PPARG: variants seen among roughly 807,000 people sequenced by gnomAD.
PPARG encodes peroxisome proliferator-activated receptor gamma.
A neutral mutation model predicts 39.2 loss-of-function variants in PPARG; 17 were observed. The ratio of observed to expected loss-of-function variants is 0.43; its 90% CI spans 0.30 to 0.65. The LOEUF is 0.65. Ranked by LOEUF, PPARG falls within the 30% of genes least tolerant of loss-of-function variation. PPARG has a pLI of 0.13. For synonymous variants in PPARG, 223 were observed against 215.7 expected (o/e 1.03, Z -0.30); for missense variants, 406 against 585.9 (o/e 0.69, Z 3.17).
chr3:12,310,257 C>T (rs1480765537), intron 1 of PPARG, among the ~76,000 whole-genome samples: 1 of 152,068 alleles, frequency 6.6e-6, no homozygotes, highest in Admixed American at 6.5e-5. Context: ...AGAATAGATA[C>T]CAGTTTCTAG....
At chr3:12,430,716 A>G (rs904344016) in intron 7 of PPARG, among the ~76,000 whole-genome samples, 5 of 152,184 alleles carry the variant, frequency 3.3e-5, no homozygotes, top group African/African-American at 1.2e-4. Flanking sequence ...AAAGGAGATG[A>G]GATGAACAGG....
intron 2 of PPARG, among the ~76,000 whole-genome samples, chr3:12,321,503 T>C (rs1559492658): frequency 6.6e-6 from 1 of 152,230 alleles, no homozygotes; most frequent in Non-Finnish European, 1.5e-5. Context: ...TCGCTGCTAC[T>C]ATAAATTTTT....
intron 1 of PPARG, among the ~76,000 whole-genome samples, chr3:12,310,791 TAAAAAAAAAAAAAAAAAAA>T (rs761238501): frequency 9.9e-5 from 5 of 50,332 alleles, no homozygotes; most frequent in Non-Finnish European, 1.3e-4. Flanking sequence ...GCCTTAAATG[TAAAAAAAAAAAAAAAAAAA>T]AAAAAAAAAA....
intron 2 of PPARG, among the ~76,000 whole-genome samples, chr3:12,371,356 A>G (rs762124336): frequency 5.9e-5 from 9 of 152,194 alleles, no homozygotes; most frequent in Non-Finnish European, 1.3e-4. Context: ...CAAGCAAACA[A>G]CATTTGTATA....
chr3:12,329,041 A>T (rs1386376047), intron 2 of PPARG, among the ~76,000 whole-genome samples: 1 of 152,182 alleles, frequency 6.6e-6, no homozygotes, highest in Non-Finnish European at 1.5e-5. Flanking sequence ...GGCTCATCCC[A>T]GCCCAGGTGG....
At chr3:12,363,641 T>C (rs2048924889) in intron 2 of PPARG, among the ~76,000 whole-genome samples, 1 of 152,160 alleles carries the variant, frequency 6.6e-6, no homozygotes. Context: ...TCCTTTATAG[T>C]GTTTGAAGGT....
chr3:12,381,575 A>G (rs2049663651), intron 4 of PPARG, 84 bp downstream of exon 4: 3 of 1,421,606 alleles, frequency 2.1e-6, no homozygotes, highest in Admixed American at 3.9e-5. Flanking sequence ...GTGATACAAT[A>G]TATGAATTTT....
intron 2 of PPARG, among the ~76,000 whole-genome samples, chr3:12,332,702 C>T (rs768771372): frequency 6.6e-5 from 10 of 152,100 alleles, no homozygotes; most frequent in South Asian, 2.1e-4. Flanking sequence ...CAAAATTATT[C>T]TACTACCATT....
chr3:12,390,258 A>G (rs372561063), intron 4 of PPARG, among the ~76,000 whole-genome samples: 1 of 152,170 alleles, frequency 6.6e-6, no homozygotes, highest in East Asian at 1.9e-4. Flanking sequence ...TTGGAAAACA[A>G]TTTGGCATTA....
intron 7 of PPARG, among the ~76,000 whole-genome samples, chr3:12,418,926 T>C (rs953229842): frequency 6.6e-6 from 1 of 152,078 alleles, no homozygotes; most frequent in South Asian, 2.1e-4. Flanking sequence ...TGGGTTTTTG[T>C]TGTTGTTGTT....
upstream of PPARG, among the ~76,000 whole-genome samples, chr3:12,288,411 C>T (rs1410270425): frequency 6.6e-6 from 1 of 151,736 alleles, no homozygotes; most frequent in Non-Finnish European, 1.5e-5. Flanking sequence ...GTCCCGGCTT[C>T]CAGGACAGCC....
chr3:12,332,872 A>C (rs1413870683), intron 2 of PPARG, among the ~76,000 whole-genome samples: 1 of 152,086 alleles, frequency 6.6e-6, no homozygotes, highest in Admixed American at 6.6e-5. Flanking sequence ...CTCTACAAAA[A>C]ATTTTAAAAA....
At chr3:12,407,992 A>G (rs911788702) in intron 6 of PPARG, among the ~76,000 whole-genome samples, 2 of 152,168 alleles carry the variant, frequency 1.3e-5, no homozygotes, top group Non-Finnish European at 2.9e-5. Context: ...AAGTCCAGAG[A>G]GGTTAAACAT....
intron 2 of PPARG, among the ~76,000 whole-genome samples, chr3:12,319,925 T>C (rs956990366): frequency 4.6e-5 from 7 of 152,228 alleles, no homozygotes; most frequent in African/African-American, 1.7e-4. Context: ...GGTATTACTG[T>C]AATAATTGCC....
chr3:12,404,665 A>T (rs933884396), intron 5 of PPARG, among the ~76,000 whole-genome samples: 2 of 152,158 alleles, frequency 1.3e-5, no homozygotes, highest in African/African-American at 4.8e-5. Flanking sequence ...TGAGCCAGGC[A>T]TGGTGGCCCA....
At chr3:12,429,540 T>G (rs1428215409) in intron 7 of PPARG, among the ~76,000 whole-genome samples, 1 of 137,202 alleles carries the variant, frequency 7.3e-6, no homozygotes, top group Non-Finnish European at 1.5e-5. Flanking sequence ...AATGTAGAGA[T>G]TCTGTCTCTA....
chr3:12,391,018 T>A (rs1180795284), intron 4 of PPARG, among the ~76,000 whole-genome samples: 1 of 152,150 alleles, frequency 6.6e-6, no homozygotes, highest in Admixed American at 6.6e-5. Flanking sequence ...TTGTCAAACC[T>A]ATCGCCTTTG....
In PPARG at chr3:12,381,463, A is replaced by G. The variant is rs1354592503; in HGVS notation, c.362A>G (p.Tyr121Cys). 3.7e-6 allele frequency: 6 copies of G among 1,613,484 alleles called. No homozygotes were observed. Among genetic ancestry groups the G allele is most frequent in the Admixed American group, 3.3e-5 (2 of 59,918 alleles). Residue 121 changes from tyrosine to cysteine, a missense_variant, in exon 4 of 8, where the codon TAT becomes TGT. Tyr to Cys is a radical substitution (Grantham distance 194). Transcript: ENST00000651735. ...GGAGATAAAGCTTCTGGATTTCACT[A>G]TGGAGTTCATGCTTGTGAAGGATGC... ...VCGDKASGFHYGVHACEGCKG... is the reference protein window; with the variant it reads ...VCGDKASGFHCGVHACEGCKG...
chr3:12,394,247 T>C (rs183849048), intron 5 of PPARG, among the ~76,000 whole-genome samples: 1 of 152,218 alleles, frequency 6.6e-6, no homozygotes. Context: ...TTAACACTAA[T>C]TTTTGCCTAT....
Sources: gnomAD v4.1 joint callset for allele counts (sites outside exome capture counted in the v4.1 genomes callset) on GRCh38, gnomAD v4.1.1 for gene constraint, MANE v1.5 for transcripts, NCBI Gene and HGNC (gene_info 2026-07-23, HGNC 2026-07-21) for gene names.